The following PMM2 variants were observed in gnomAD, a reference collection of about 807,000 sequenced individuals.
The protein encoded by PMM2 is mannose-6-phosphate isomerase.
PMM2 carries 35 observed loss-of-function variants against 33.2 expected under a neutral mutation model. That is an observed-to-expected ratio of 1.06 (90% CI 0.81 to 1.40). The LOEUF (loss-of-function observed/expected upper bound fraction) is 1.40, where lower values mean the gene tolerates loss of function less well. Ranked by LOEUF, PMM2 falls within the 40% of genes most tolerant of loss-of-function variation. The pLI is 0.00. For missense variants in PMM2, 386 were observed against 306.0 expected, an observed-to-expected ratio of 1.26 and a Z score of -1.95; for synonymous variants, 153 against 114.7, an observed-to-expected ratio of 1.33 and a Z score of -2.13.
chr16:8,816,128 T>G (rs2060706881), intron 7 of PMM2, among the ~76,000 whole-genome samples: 2 of 152,002 alleles, frequency 1.3e-5, no homozygotes, highest in South Asian at 4.2e-4. Context: ...GATGGCCATT[T>G]TATTTTATTT....
At chr16:8,813,134 C>T (rs1359448700) in intron 7 of PMM2, 28 bp downstream of exon 7, 3 of 1,352,680 alleles carry the variant, frequency 2.2e-6, no homozygotes, top group Admixed American at 3.3e-5. Flanking sequence ...TGTGCACCTT[C>T]ATTGTTGCAT....
chr16:8,835,692 T>C (rs1220055467), intron 7 of PMM2, among the ~76,000 whole-genome samples: 1 of 151,946 alleles, frequency 6.6e-6, no homozygotes, highest in African/African-American at 2.4e-5. Flanking sequence ...AAGGAGAGTT[T>C]ATAGGTTTTA....
At chr16:8,812,589 C>T (rs775016689) in intron 6 of PMM2, among the ~76,000 whole-genome samples, 4 of 152,154 alleles carry the variant, frequency 2.6e-5, no homozygotes, top group Non-Finnish European at 5.9e-5. Flanking sequence ...TCATTTTTCC[C>T]GCAAAATATG....
At chr16:8,798,351 G>A (rs1330061821) in intron 1 of PMM2, among the ~76,000 whole-genome samples, 1 of 152,198 alleles carries the variant, frequency 6.6e-6, no homozygotes, top group African/African-American at 2.4e-5. Flanking sequence ...CAGGTTTCCA[G>A]GTCAAACCGA....
At chr16:8,800,392 A>C (rs2060606417) in intron 1 of PMM2, among the ~76,000 whole-genome samples, 1 of 151,630 alleles carries the variant, frequency 6.6e-6, no homozygotes, top group Non-Finnish European at 1.5e-5. Flanking sequence ...TTCAGTGTAA[A>C]TGTACAACTG....
At chr16:8,812,391 C>T (rs1298603901) in intron 6 of PMM2, among the ~76,000 whole-genome samples, 1 of 152,212 alleles carries the variant, frequency 6.6e-6, no homozygotes, top group Non-Finnish European at 1.5e-5. Context: ...AAAGCCTCCT[C>T]ATTTTACTAG....
chr16:8,825,642 T>G (rs188796987), intron 7 of PMM2, among the ~76,000 whole-genome samples: 1 of 152,188 alleles, frequency 6.6e-6, no homozygotes, highest in Middle Eastern at 3.2e-3. Flanking sequence ...TAATAAAATT[T>G]TACAAACAAA....
chr16:8,823,588 G>C (rs1293539125), intron 7 of PMM2, among the ~76,000 whole-genome samples: 1 of 148,466 alleles, frequency 6.7e-6, no homozygotes, highest in African/African-American at 2.4e-5. Flanking sequence ...TTGTTTGCCA[G>C]ATAGGCTGTT....
chr16:8,831,002 G>A (rs1361981745), intron 7 of PMM2, among the ~76,000 whole-genome samples: 1 of 152,186 alleles, frequency 6.6e-6, no homozygotes, highest in African/African-American at 2.4e-5. Context: ...AGCCAGGTGT[G>A]GTGGTGCACA....
chr16:8,832,864 C>A (rs1180881793), intron 7 of PMM2: 1 of 985,344 alleles, frequency 1.0e-6, no homozygotes, highest in East Asian at 1.1e-4. Context: ...TGTGCCCTCA[C>A]GTCCCTCAGA....
In PMM2 at chr16:8,804,039, T is replaced by TG. The variant is rs1555449117; in HGVS notation, c.179-728_179-727insG. ...TTTTTTGGGTTTTTTTTGTTTTTTT[T>TG]TTTTTTTTTTTTGACGTTAGACAGA... On this transcript the variant is annotated intron_variant, in intron 2 of 7. Coordinates refer to ENST00000268261, the MANE Select transcript of PMM2 (RefSeq NM_000303.3). 3.6e-4 allele frequency among the ~76,000 whole-genome samples: 48 copies of TG among 132,846 alleles called. 1 individual carries two copies. Among genetic ancestry groups the TG allele is most frequent in the East Asian group, 8.8e-4 (4 of 4,570 alleles). 87.2% of individuals were successfully genotyped at this position (132,846 alleles called of 152,430 possible).
At chr16:8,825,680 G>C (rs572467080) in intron 7 of PMM2, among the ~76,000 whole-genome samples, 2 of 151,874 alleles carry the variant, frequency 1.3e-5, no homozygotes, top group Admixed American at 1.3e-4. Context: ...TGACTGTAGG[G>C]TAACATTTTC....
intron 7 of PMM2, among the ~76,000 whole-genome samples, chr16:8,817,763 A>G (rs2060716147): frequency 6.6e-6 from 1 of 152,234 alleles, no homozygotes; most frequent in African/African-American, 2.4e-5. Context: ...AAAGAAAGTC[A>G]CCTATAATCA....
chr16:8,847,164 C>T (rs2060931480), intron 7 of PMM2, among the ~76,000 whole-genome samples: 1 of 152,098 alleles, frequency 6.6e-6, no homozygotes, highest in Admixed American at 6.6e-5. Context: ...ATGCCCGGCC[C>T]ACGTGGGGCT....
intron 3 of PMM2, among the ~76,000 whole-genome samples, chr16:8,805,878 C>T (rs2060645161): frequency 6.6e-6 from 1 of 152,158 alleles, no homozygotes; most frequent in South Asian, 2.1e-4. Context: ...GTGTGAGCTG[C>T]CACGCCTGGG....
intron 7 of PMM2, among the ~76,000 whole-genome samples, chr16:8,819,551 A>G (rs1242515542): frequency 6.6e-6 from 1 of 152,074 alleles, no homozygotes; most frequent in African/African-American, 2.4e-5. Context: ...TCAACTTGAG[A>G]AAAGGATCTG....
At chr16:8,828,025 C>CT (rs71153002) in intron 7 of PMM2, among the ~76,000 whole-genome samples, 3,196 of 66,552 alleles carry the variant, frequency 0.048, 368 homozygotes, top group Non-Finnish European at 0.063. Flanking sequence ...CTGTAGAACT[C>CT]TTTTTTTTTT....
At chr16:8,798,415 A>G (rs975115740) in intron 1 of PMM2, among the ~76,000 whole-genome samples, 6 of 152,202 alleles carry the variant, frequency 3.9e-5, no homozygotes, top group African/African-American at 1.4e-4. Context: ...TCAGCGAGTC[A>G]TTAACCTCTC....
At chr16:8,799,536 T>A (rs1221016615) in intron 1 of PMM2, among the ~76,000 whole-genome samples, 2 of 149,952 alleles carry the variant, frequency 1.3e-5, no homozygotes, top group African/African-American at 4.9e-5. Flanking sequence ...GATTTTCTGA[T>A]TTTCACAGTT....
Sources: gnomAD v4.1 joint callset for allele counts (sites outside exome capture counted in the v4.1 genomes callset) on GRCh38, gnomAD v4.1.1 for gene constraint, MANE v1.5 for transcripts, NCBI Gene and HGNC (gene_info 2026-07-23, HGNC 2026-07-21) for gene names.